The following PES1 variants were observed in gnomAD, a reference collection of about 807,000 sequenced individuals.
PES1 encodes pescadillo ribosomal biogenesis factor 1.
PES1 carries 31 observed loss-of-function variants against 77.1 expected under a neutral mutation model. The observed-to-expected ratio is 0.40, with a 90% CI of 0.30 to 0.54. PES1 has a LOEUF of 0.54. Ranked by LOEUF, PES1 falls within the 20% of genes least tolerant of loss-of-function variation. The pLI is 0.45. For synonymous variants in PES1, 282 were observed against 303.0 expected (o/e 0.93, Z 0.72); for missense variants, 658 against 771.7 (o/e 0.85, Z 1.75).
chr22:30,584,961 G>A (rs932121192), intron 4 of PES1, among the ~76,000 whole-genome samples: 8 of 152,170 alleles, frequency 5.3e-5, no homozygotes, highest in South Asian at 4.1e-4. Flanking sequence ...TCAAGACACC[G>A]AATGCTCACC....
In PES1 at chr22:30,587,987, G is replaced by A. The variant is rs1296888859; in HGVS notation, c.258+34C>T. 8 of 1,608,492 alleles carry A rather than the reference G, an allele frequency of 5.0e-6. No homozygotes were observed. The South Asian group carries it at 8.8e-5, about 18-fold the overall frequency. On this transcript the variant is annotated intron_variant, in intron 3 of 14. Transcript: ENST00000354694. ...AGTTAGTGGGTCACAGAGCTGCGAT[G>A]AGAACCTGACAGACCCTAGAGCCCA...
At chr22:30,588,294 C>G in intron 2 of PES1, 120 bp from the exon 3 acceptor site, 1 of 1,100,660 alleles carries the variant, frequency 9.1e-7, no homozygotes, top group Non-Finnish European at 1.3e-6. Context: ...CCTTAGAGAC[C>G]TCACATCCTA....
In PES1 at chr22:30,580,639, C is replaced by T. The variant is rs2086969057; in HGVS notation, c.975G>A (p.Lys325=). 1 of 1,613,744 alleles carries T rather than the reference C, an allele frequency of 6.2e-7. No individual in the cohort carries two copies. Among genetic ancestry groups the T allele is most frequent in the Non-Finnish European group, 8.5e-7 (1 of 1,180,022 alleles). ...GGAAGAACTTCAGGCCCTCAAAAAG[C>T]TTCTTGTGCTTCTCCTGCGCCTCCA... ...KELEAQEKHK[K]LFEGLKFFLN... The change falls in exon 10 of 15, where the codon AAG becomes AAA. Residue 325 remains lysine, a synonymous_variant. Coordinates refer to ENST00000354694, the MANE Select transcript of PES1 (RefSeq NM_014303.4).
chr22:30,584,512 G>A, intron 5 of PES1, 34 bp downstream of exon 5: 2 of 1,609,096 alleles, frequency 1.2e-6, no homozygotes, highest in Non-Finnish European at 1.7e-6. Flanking sequence ...AGAGGGGGCA[G>A]GGTGGGATGC....
At chr22:30,598,045 G>A (rs1011714003) in intron 2 of PES1, among the ~76,000 whole-genome samples, 2 of 151,956 alleles carry the variant, frequency 1.3e-5, no homozygotes, top group Admixed American at 6.6e-5. Context: ...CACTACGCCC[G>A]GCTAGTTTTT....
At position 30,597,861 on chromosome 22, in the gene PES1, T is replaced by C. The variant is rs554840142; in HGVS notation, c.-660-5463A>G. ...AGCTGTGGTAACTCGCTCGGTTTTT[T>C]TTCCACGCAGTTGAAGTTTTGTTTT... On this transcript the variant is annotated intron_variant, in intron 2 of 16. Transcript: ENST00000402281. Among the ~76,000 whole-genome samples the C allele has an allele frequency of 2.8e-5, 4 of 144,334 alleles. No individual in the cohort carries two copies. In the East Asian group the frequency reaches 7.8e-4, roughly 28 times the overall value. 94.7% of individuals were successfully genotyped at this position (144,334 alleles called of 152,430 possible). A position where few individuals can be genotyped will look rare whatever the true frequency, so the allele number is the denominator to read the frequency against.
chr22:30,604,547 C>T (rs2087407150), intron 2 of PES1, among the ~76,000 whole-genome samples: 1 of 151,902 alleles, frequency 6.6e-6, no homozygotes, highest in Admixed American at 6.6e-5. Flanking sequence ...GCAGGAGAAT[C>T]GCTTGAACCC....
chr22:30,581,770 G>C (rs2086992144), intron 6 of PES1, 126 bp from the exon 7 acceptor site: 1 of 691,672 alleles, frequency 1.4e-6, no homozygotes, highest in South Asian at 1.7e-5. Flanking sequence ...AGAAGGCTCT[G>C]CCCTTAAGGC....
chr22:30,596,084 C>A (rs1002470479), upstream of PES1, among the ~76,000 whole-genome samples: 11 of 152,126 alleles, frequency 7.2e-5, no homozygotes, highest in African/African-American at 2.4e-4. Flanking sequence ...AACTGGTGGG[C>A]AAATTACATC....
In PES1 at chr22:30,591,858, G is replaced by C. The variant is rs200807813; in HGVS notation, c.-25C>G. On this transcript the variant is annotated 5_prime_UTR_variant, in exon 1 of 15. Coordinates refer to ENST00000354694, the MANE Select transcript of PES1 (RefSeq NM_014303.4). ...TCGCTCCACGTTGAGGAGCCGACTA[G>C]GGCCGCGCGTACAGGGAGCTCCACT... The C allele has an allele frequency of 8.4e-6, 13 of 1,548,854 alleles. No individual in the cohort carries two copies. The highest frequency in any genetic ancestry group is 1.0e-5 in the Non-Finnish European group (12 of 1,147,554).
intron 14 of PES1, among the ~76,000 whole-genome samples, 177 bp from the exon 15 acceptor site, chr22:30,577,306 TAAC>T (rs1407592272): frequency 6.6e-6 from 1 of 152,190 alleles, no homozygotes; most frequent in Non-Finnish European, 1.5e-5. Flanking sequence ...AGCCCTGCTT[TAAC>T]AACATTATTT....
chr22:30,600,757 G>C (rs1055753576), intron 2 of PES1, among the ~76,000 whole-genome samples: 5 of 152,322 alleles, frequency 3.3e-5, no homozygotes, highest in Admixed American at 3.3e-4. Context: ...AGAGCTTGCA[G>C]TGAGCCGAGA....
At chr22:30,594,083 G>C (rs2087222233), upstream of PES1, among the ~76,000 whole-genome samples, 1 of 152,216 alleles carries the variant, frequency 6.6e-6, no homozygotes, top group African/African-American at 2.4e-5. Context: ...CCCAGTCTCT[G>C]CAGGGAGACA....
intron 2 of PES1, among the ~76,000 whole-genome samples, chr22:30,598,912 T>TTTTTTTTTTTTTTTTA (rs761643665): frequency 1.7e-5 from 2 of 116,428 alleles, no homozygotes; most frequent in African/African-American, 6.8e-5. Flanking sequence ...TTTTTTTTTT[T>TTTTTTTTTTTTTTTTA]TTGAGATGGA....
chr22:30,599,698 A>C (rs1283176999), intron 2 of PES1, among the ~76,000 whole-genome samples: 4 of 150,722 alleles, frequency 2.7e-5, no homozygotes, highest in African/African-American at 7.3e-5. Flanking sequence ...TTGGGAGATC[A>C]AGACCAGCCT....
intron 1 of PES1, chr22:30,606,492 C>G (rs886078204): frequency 6.6e-6 from 1 of 152,338 alleles, no homozygotes; most frequent in African/African-American, 2.4e-5. Flanking sequence ...CTCAAGTGAT[C>G]TGCCCGCCTC....
At chr22:30,601,220 C>G (rs2087349687) in intron 2 of PES1, among the ~76,000 whole-genome samples, 1 of 152,170 alleles carries the variant, frequency 6.6e-6, no homozygotes, top group Non-Finnish European at 1.5e-5. Context: ...TACAGAAAAC[C>G]ATGTGGAACA....
intron 12 of PES1, 160 bp from the exon 13 acceptor site, chr22:30,579,463 C>T (rs1448525985): frequency 1.7e-6 from 2 of 1,200,634 alleles, no homozygotes; most frequent in African/African-American, 1.5e-5. Flanking sequence ...TCCCCACAGC[C>T]CAGCTGCCAT....
chr22:30,579,682 C>T (rs987092514), intron 12 of PES1, 69 bp downstream of exon 12: 2 of 1,469,702 alleles, frequency 1.4e-6, no homozygotes, highest in Non-Finnish European at 1.9e-6. Flanking sequence ...AGCTTTCCAC[C>T]TTGGCAGCTA....
Sources: allele counts gnomAD v4.1 joint callset (sites outside exome capture counted in the v4.1 genomes callset), GRCh38; gene constraint gnomAD v4.1.1; transcripts MANE v1.5; gene names NCBI Gene and HGNC (gene_info 2026-07-23, HGNC 2026-07-21).